The following BACH2 variants were observed in gnomAD, a reference collection of about 807,000 sequenced individuals.
BACH2 encodes the protein transcription regulator protein BACH2.
BACH2 carries 5 observed loss-of-function variants against 61.8 expected under a neutral mutation model. The observed-to-expected ratio is 0.08, with a 90% CI of 0.04 to 0.17. BACH2 has a LOEUF of 0.17. Among genes scored for constraint, BACH2 ranks in the 10% least tolerant of loss-of-function variants. BACH2 has a pLI of 1.00. For synonymous variants in BACH2, 446 were observed against 440.1 expected, an observed-to-expected ratio of 1.01 and a Z score of -0.17; for missense variants, 824 against 1,091.1, an observed-to-expected ratio of 0.76 and a Z score of 3.45.
At chr6:90,289,392 G>A (rs1772115411) in intron 1 of BACH2, among the ~76,000 whole-genome samples, 2 of 152,160 alleles carry the variant, frequency 1.3e-5, no homozygotes, top group African/African-American at 4.8e-5. Context: ...GTTAATATGA[G>A]CAGCACACAG....
intron 1 of BACH2, among the ~76,000 whole-genome samples, chr6:90,284,313 C>A (rs985372884): frequency 6.6e-6 from 1 of 152,142 alleles, no homozygotes; most frequent in Non-Finnish European, 1.5e-5. Context: ...TCTGGGCAGC[C>A]CCTCAGCAGG....
intron 1 of BACH2, among the ~76,000 whole-genome samples, chr6:90,296,087 C>T (rs1336146679): frequency 2.6e-5 from 4 of 152,164 alleles, no homozygotes; most frequent in Admixed American, 1.3e-4. Flanking sequence ...GGTCTGACAG[C>T]TGCTGCGGCT....
At chr6:90,174,114 G>A (rs966349012) in intron 4 of BACH2, among the ~76,000 whole-genome samples, 7 of 151,776 alleles carry the variant, frequency 4.6e-5, no homozygotes, top group Non-Finnish European at 1.0e-4. Context: ...AAAAATAAAA[G>A]AACCTCAAGG....
chr6:89,948,696 AGAAT>A (rs1201794596), intron 7 of BACH2, among the ~76,000 whole-genome samples: 1 of 152,202 alleles, frequency 6.6e-6, no homozygotes, highest in Non-Finnish European at 1.5e-5. Context: ...TCAGAGGGAA[AGAAT>A]GAGTGAGGAG....
intron 3 of BACH2, among the ~76,000 whole-genome samples, chr6:90,239,162 T>A (rs548988541): frequency 3.3e-4 from 50 of 152,322 alleles, no homozygotes; most frequent in African/African-American, 1.2e-3. Context: ...ATGTATGTGG[T>A]GTGCCAGGAA....
At position 90,013,673 on chromosome 6, in the gene BACH2, A is replaced by AT. The variant is rs565945191; in HGVS notation, c.-12-4818dup. Among the ~76,000 whole-genome samples the AT allele has an allele frequency of 7.5e-3, 1,131 of 150,108 alleles. 10 individuals carry two copies. The highest frequency in any genetic ancestry group is 0.017 in the South Asian group (79 of 4,754). On this transcript the variant is annotated intron_variant, in intron 5 of 8. Transcript: ENST00000257749. Reference sequence around the variant, plus strand: ...AGGTGCCCGCCACCATGCCAGGCTAATTTTTTTTGTATTTTTAGTAGAGAC... The same window carrying AT: ...AGGTGCCCGCCACCATGCCAGGCTAATTTTTTTTTGTATTTTTAGTAGAGAC...
In BACH2 at chr6:89,926,723, TAC is replaced by T; in HGVS notation, c.*5683_*5684del. The stretch of plus-strand genomic sequence containing the variant: ...CCCCCAAAAGGTAAAAATTCTTAGT[TAC>T]AGAGAATAAGCATCAACAGCCTTTC... On this transcript the variant is annotated 3_prime_UTR_variant, in exon 9 of 9. Transcript: ENST00000257749. 1 of 152,694 alleles carries T rather than the reference TAC, an allele frequency of 6.5e-6. No homozygotes were observed. The highest frequency in any genetic ancestry group is 1.5e-5 in the Non-Finnish European group (1 of 68,020). The allele number at this position is 152,694 out of a possible 1,614,324, so 9.5% of individuals were successfully genotyped here.
intron 7 of BACH2, 119 bp from the exon 8 acceptor site, chr6:89,938,469 A>G (rs1259288068): frequency 3.9e-6 from 3 of 769,776 alleles, no homozygotes; most frequent in Non-Finnish European, 6.3e-6. Flanking sequence ...AAACTACTGA[A>G]AGCAAGCAGT....
At chr6:90,042,400 C>T (rs1779579621) in intron 5 of BACH2, among the ~76,000 whole-genome samples, 2 of 151,754 alleles carry the variant, frequency 1.3e-5, no homozygotes, top group Admixed American at 1.3e-4. Context: ...AGGGTTTGGC[C>T]ATGTTGCCCA....
chr6:90,287,050 A>G (rs12212193), intron 1 of BACH2, among the ~76,000 whole-genome samples: 58,147 of 151,996 alleles, frequency 0.38, 11,827 homozygotes, highest in Non-Finnish European at 0.46. Context: ...GGTGACAGTG[A>G]AGTCCTGCAA....
chr6:90,234,398 A>T (rs966281587), intron 3 of BACH2, among the ~76,000 whole-genome samples: 18 of 152,232 alleles, frequency 1.2e-4, no homozygotes, highest in Non-Finnish European at 2.5e-4. Flanking sequence ...GGGCATTCCC[A>T]TGAACTTACT....
At chr6:90,053,727 A>G (rs1306362617) in intron 5 of BACH2, among the ~76,000 whole-genome samples, 1 of 152,230 alleles carries the variant, frequency 6.6e-6, no homozygotes. Context: ...ATTTTCTCTC[A>G]GAACTTTGAA....
At chr6:90,139,395 G>C (rs1365611480) in intron 4 of BACH2, among the ~76,000 whole-genome samples, 1 of 152,180 alleles carries the variant, frequency 6.6e-6, no homozygotes, top group Admixed American at 6.6e-5. Context: ...TGAGGGAGAA[G>C]GTGGGGAAAG....
chr6:90,275,787 C>T (rs1307319430), intron 1 of BACH2, among the ~76,000 whole-genome samples: 1 of 152,024 alleles, frequency 6.6e-6, no homozygotes. Context: ...ACCAGCCTGG[C>T]CAATATGGTG....
intron 6 of BACH2, among the ~76,000 whole-genome samples, chr6:89,994,470 G>A (rs1179912669): frequency 1.3e-5 from 2 of 152,182 alleles, no homozygotes; most frequent in Non-Finnish European, 2.9e-5. Flanking sequence ...AAATCTAATT[G>A]AGTTCCTTTG....
chr6:90,245,147 T>C (rs886318871), intron 3 of BACH2, among the ~76,000 whole-genome samples: 1 of 151,928 alleles, frequency 6.6e-6, no homozygotes, highest in African/African-American at 2.4e-5. Context: ...TACAGTCAGC[T>C]GAGATCATGC....
chr6:90,244,838 G>A (rs1770580392), intron 3 of BACH2, among the ~76,000 whole-genome samples: 2 of 152,142 alleles, frequency 1.3e-5, no homozygotes, highest in Admixed American at 1.3e-4. Context: ...TCCTTAAGCT[G>A]CTGAAATTAA....
chr6:89,947,681 T>C (rs1313572848), intron 7 of BACH2, among the ~76,000 whole-genome samples: 1 of 151,830 alleles, frequency 6.6e-6, no homozygotes, highest in Non-Finnish European at 1.5e-5. Flanking sequence ...TTCTCCTGCC[T>C]CAGCCTCCTG....
At chr6:90,079,472 T>C (rs941942950) in intron 5 of BACH2, among the ~76,000 whole-genome samples, 1 of 152,220 alleles carries the variant, frequency 6.6e-6, no homozygotes, top group Non-Finnish European at 1.5e-5. Context: ...CACGCTTCTT[T>C]CTTCCTTCCA....
Sources: allele counts gnomAD v4.1 joint callset (sites outside exome capture counted in the v4.1 genomes callset), GRCh38; gene constraint gnomAD v4.1.1; transcripts MANE v1.5; gene names NCBI Gene and HGNC (gene_info 2026-07-23, HGNC 2026-07-21).